LRRIQ1: variants seen among roughly 807,000 people sequenced by gnomAD.
LRRIQ1 encodes the protein leucine rich repeats and IQ motif containing 1, also known as leucine-rich repeat- and IQ domain-containing protein 1.
In LRRIQ1, 210 loss-of-function variants were observed where a neutral mutation model predicts 211.9. That is an observed-to-expected ratio of 0.99 (90% CI 0.89 to 1.11). The LOEUF (loss-of-function observed/expected upper bound fraction) is 1.11, where lower values mean the gene tolerates loss of function less well. Among genes scored for constraint, LRRIQ1 ranks in the 50% most tolerant of loss-of-function variants. LRRIQ1 has a pLI of 0.00. For missense variants in LRRIQ1, 2,136 were observed against 1,939.5 expected, an observed-to-expected ratio of 1.10 and a Z score of -1.90; for synonymous variants, 699 against 650.1, an observed-to-expected ratio of 1.08 and a Z score of -1.14.
intron 24 of LRRIQ1, among the ~76,000 whole-genome samples, chr12:85,203,169 C>T (rs79478082): frequency 7.2e-5 from 11 of 152,232 alleles, no homozygotes; most frequent in East Asian, 1.9e-4. Flanking sequence ...CAGGGGTTTT[C>T]GCTTTTGCAT....
intron 25 of LRRIQ1, among the ~76,000 whole-genome samples, chr12:85,230,857 G>A (rs1003352736): frequency 1.3e-5 from 2 of 151,432 alleles, no homozygotes; most frequent in South Asian, 2.1e-4. Context: ...AAACCATCCT[G>A]GCTAACACAG....
intron 11 of LRRIQ1, among the ~76,000 whole-genome samples, chr12:85,084,742 A>G (rs1009579273): frequency 1.3e-5 from 2 of 152,022 alleles, no homozygotes; most frequent in Non-Finnish European, 2.9e-5. Flanking sequence ...CCTGGCCAAC[A>G]TGGTGAAACC....
chr12:85,056,634 T>G lies in LRRIQ1; in HGVS notation c.1841T>G (p.Leu614Arg), dbSNP rs1592711193. The change falls in exon 8 of 27, where the codon CTC becomes CGC. Residue 614 changes from leucine (L) to arginine (R), a missense_variant. Leu to Arg is a moderately radical substitution (Grantham distance 102). Transcript: ENST00000393217. The part of the protein sequence containing the change: ...TLVISVKQRS[L>R]SLTSENSKDV... The stretch of plus-strand genomic sequence containing the variant: ...GTTATTTCAGTGAAACAAAGATCAC[T>G]CTCACTAACATCAGAAAATTCCAAA... The G allele has an allele frequency of 6.3e-7, 1 of 1,598,550 alleles. No individual in the cohort carries two copies. Among genetic ancestry groups the G allele is most frequent in the African/African-American group, 1.4e-5 (1 of 73,942 alleles).
chr12:85,217,602 GTA>G (rs1320345555), intron 24 of LRRIQ1, among the ~76,000 whole-genome samples: 1 of 129,284 alleles, frequency 7.7e-6, no homozygotes, highest in African/African-American at 3.1e-5. Context: ...ATGTATATAT[GTA>G]TATGTGTATA....
rs13377713 is a variant in LRRIQ1, at chr12:85,079,119, A to G, written c.2887+6021A>G. Among the ~76,000 whole-genome samples, 1,185 of 152,244 alleles carry G rather than the reference A, an allele frequency of 7.8e-3. 21 individuals carry two copies. The highest frequency in any genetic ancestry group is 0.027 in the African/African-American group (1,116 of 41,550). ...TTGACCAAATGAGAGTGAAAAACCA[A>G]ATAGCATTTTGGAATTATTATGAAA... is the stretch of plus-strand genomic sequence containing the variant. On this transcript the variant is annotated intron_variant, in intron 11 of 26. Transcript: ENST00000393217.
intron 11 of LRRIQ1, among the ~76,000 whole-genome samples, chr12:85,076,937 C>T (rs553060573): frequency 5.6e-4 from 86 of 152,240 alleles, no homozygotes; most frequent in Non-Finnish European, 1.0e-3. Context: ...TAGTTTTCAT[C>T]TAACTCATGG....
downstream of LRRIQ1, among the ~76,000 whole-genome samples, chr12:85,266,731 A>C (rs556760612): frequency 6.6e-6 from 1 of 152,252 alleles, no homozygotes; most frequent in South Asian, 2.1e-4. Context: ...CACAACTGCC[A>C]ATGTCTGCTG....
chr12:85,070,816 C>T lies in LRRIQ1; in HGVS notation c.2696-2091C>T, dbSNP rs368181354. Among the ~76,000 whole-genome samples the T allele has an allele frequency of 2.6e-3, 395 of 151,954 alleles. 4 individuals carry two copies. The highest frequency in any genetic ancestry group is 9.1e-3 in the African/African-American group (377 of 41,500). On this transcript the variant is annotated intron_variant, in intron 10 of 26. Transcript: ENST00000393217. Reference sequence around the variant, plus strand: ...GTTTATGGCAACATTAATATAACCACGTGCCATATCTTATCCATAAAATAG... The same window carrying T: ...GTTTATGGCAACATTAATATAACCATGTGCCATATCTTATCCATAAAATAG...
intron 11 of LRRIQ1, among the ~76,000 whole-genome samples, chr12:85,086,596 G>A (rs916486939): frequency 2.1e-5 from 3 of 145,182 alleles, no homozygotes; most frequent in South Asian, 2.2e-4. Context: ...AAATTACCCA[G>A]TCTTAGGTAT....
rs187542973 is a variant in LRRIQ1 at position 85,227,827 on chromosome 12, T to C, written c.4823-1690T>C. On this transcript the variant is annotated intron_variant, in intron 24 of 26. Transcript: ENST00000393217. ...TGGTACTGGTACCAAAACAGAGATA[T>C]AGACTAATGGAACAGAATAGAGCCC... 1.3e-3 allele frequency among the ~76,000 whole-genome samples: 198 copies of C among 152,144 alleles called. 1 individual carries two copies. The highest frequency in any genetic ancestry group is 4.6e-3 in the African/African-American group (190 of 41,508).
intron 26 of LRRIQ1, among the ~76,000 whole-genome samples, chr12:85,239,336 C>T (rs535685163): frequency 4.1e-5 from 6 of 148,024 alleles, no homozygotes; most frequent in South Asian, 2.1e-4. Flanking sequence ...TATCAATCCC[C>T]GGTAATTGAA....
downstream of LRRIQ1, among the ~76,000 whole-genome samples, chr12:85,247,330 G>C (rs1033247850): frequency 1.3e-5 from 2 of 151,518 alleles, no homozygotes; most frequent in Non-Finnish European, 3.0e-5. Flanking sequence ...ACCTTATAAA[G>C]CTATTAATAA....
chr12:85,087,375 G>T lies in LRRIQ1; in HGVS notation c.2888-10980G>T, dbSNP rs61930046. Among the ~76,000 whole-genome samples, 1,186 of 152,204 alleles carry T rather than the reference G, an allele frequency of 7.8e-3. 9 individuals carry two copies. The highest frequency in any genetic ancestry group is 0.021 in the South Asian group (100 of 4,816). On this transcript the variant is annotated intron_variant, in intron 11 of 26. Coordinates refer to ENST00000393217, the MANE Select transcript of LRRIQ1 (RefSeq NM_001079910.2). ...ACATTTGGGTTGGTTCCAAGTCTTT[G>T]CTATTGTGAATAGTGCCGCAATAAA...
At chr12:85,061,383 A>G (rs1158365801) in intron 8 of LRRIQ1, among the ~76,000 whole-genome samples, 1 of 151,726 alleles carries the variant, frequency 6.6e-6, no homozygotes, top group Admixed American at 6.6e-5. Context: ...TTGCTATACT[A>G]TAAAGATTTT....
intron 8 of LRRIQ1, 58 bp downstream of exon 8, chr12:85,057,242 T>A: frequency 8.9e-7 from 1 of 1,126,252 alleles, no homozygotes; most frequent in African/African-American, 1.7e-5. Context: ...CTTTAAAGTA[T>A]AACTTTTCAG....
chr12:85,183,776 C>T (rs1263139685), intron 24 of LRRIQ1, among the ~76,000 whole-genome samples: 1 of 152,082 alleles, frequency 6.6e-6, no homozygotes, highest in South Asian at 2.1e-4. Flanking sequence ...GGGAATTAAA[C>T]TCAGGTAAGG....
At chr12:85,119,993 A>C (rs1887858210) in intron 15 of LRRIQ1, among the ~76,000 whole-genome samples, 1 of 152,090 alleles carries the variant, frequency 6.6e-6, no homozygotes, top group Admixed American at 6.5e-5. Context: ...ATTGTCTTTC[A>C]TACAGTAGAA....
chr12:85,101,656 A>G (rs1886352740), intron 13 of LRRIQ1, among the ~76,000 whole-genome samples: 1 of 151,824 alleles, frequency 6.6e-6, no homozygotes, highest in South Asian at 2.1e-4. Context: ...GGATTATACT[A>G]TTAAGTTTCT....
intron 13 of LRRIQ1, 48 bp from the exon 14 acceptor site, chr12:85,103,956 G>A: frequency 9.1e-7 from 1 of 1,099,012 alleles, no homozygotes; most frequent in Non-Finnish European, 1.4e-6. Flanking sequence ...GTAACATTAA[G>A]GACTTTCCAA....
Sources: gnomAD v4.1 joint callset for allele counts (sites outside exome capture counted in the v4.1 genomes callset) on GRCh38, gnomAD v4.1.1 for gene constraint, MANE v1.5 for transcripts, NCBI Gene and HGNC (gene_info 2026-07-23, HGNC 2026-07-21) for gene names.